The following NRP1 variants were observed in gnomAD, a reference collection of about 807,000 sequenced individuals.
The protein encoded by NRP1 is neuropilin-1.
NRP1 carries 35 observed loss-of-function variants against 106.7 expected under a neutral mutation model. The ratio of observed to expected loss-of-function variants is 0.33; its 90% CI spans 0.25 to 0.43. NRP1 has a LOEUF of 0.43. NRP1 is among the 20% of genes least tolerant of loss of function. NRP1 has a pLI of 1.00. For missense variants in NRP1, 1,024 were observed against 1,170.4 expected (o/e 0.87, Z 1.83); for synonymous variants, 437 against 417.9 (o/e 1.05, Z -0.56).
At chr10:33,334,286 C>T in intron 1 of NRP1, 24 bp downstream of exon 1, 1 of 1,536,124 alleles carries the variant, frequency 6.5e-7, no homozygotes, top group Non-Finnish European at 8.7e-7. Flanking sequence ...GCCGCTGTCA[C>T]CCGCGCCTCT....
chr10:33,274,369 T>C lies in NRP1; in HGVS notation c.249-3513A>G, dbSNP rs72790255. ...TCACAGGTTAGGTTTCCCAGAAGAG[T>C]GCTCAAAGAATAAAGATTTCTTTCT... On this transcript the variant is annotated intron_variant, in intron 2 of 16. Coordinates refer to ENST00000374867, the MANE Select transcript of NRP1 (RefSeq NM_003873.7). 8.3e-3 allele frequency among the ~76,000 whole-genome samples: 1,259 copies of C among 152,258 alleles called. 10 individuals are homozygous for C. The highest frequency in any genetic ancestry group is 0.015 in the Non-Finnish European group (1,006 of 68,008).
rs1326466255 is a variant in NRP1 at position 33,334,649 on chromosome 10, C to G, written c.-267G>C. The G allele has an allele frequency of 1.4e-5, 3 of 213,474 alleles. No homozygotes were observed. The highest frequency in any genetic ancestry group is 7.1e-5 in the Admixed American group (1 of 14,128). The allele number at this position is 213,474 out of a possible 1,614,324, so 13.2% of individuals were successfully genotyped here. On this transcript the variant is annotated 5_prime_UTR_variant, in exon 1 of 17. Coordinates refer to ENST00000374867, the MANE Select transcript of NRP1 (RefSeq NM_003873.7). ...CCACACTTGTTCCTCTTCCAGGAGC[C>G]ACTGCCCGGGCCATGTCTCAAAAAA...
intron 9 of NRP1, among the ~76,000 whole-genome samples, chr10:33,211,018 A>G (rs1838260476): frequency 6.6e-6 from 1 of 152,240 alleles, no homozygotes; most frequent in Non-Finnish European, 1.5e-5. Flanking sequence ...TCAGTATCAT[A>G]GGAAGATGAT....
At chr10:33,298,956 G>A (rs1466719489) in intron 2 of NRP1, among the ~76,000 whole-genome samples, 3 of 152,176 alleles carry the variant, frequency 2.0e-5, no homozygotes, top group African/African-American at 7.2e-5. Context: ...TACCTACCAT[G>A]CATTGAGCAC....
chr10:33,235,266 C>T (rs1840467134), intron 6 of NRP1, among the ~76,000 whole-genome samples: 1 of 152,236 alleles, frequency 6.6e-6, no homozygotes, highest in Non-Finnish European at 1.5e-5. Flanking sequence ...GGACTCGATG[C>T]AGCAGGTTAA....
intron 11 of NRP1, among the ~76,000 whole-genome samples, chr10:33,200,498 C>T (rs1837211364): frequency 2.0e-5 from 3 of 152,142 alleles, no homozygotes. Context: ...TAGGTCACCC[C>T]AGGAGAAGAA....
chr10:33,261,910 A>G (rs1225359608), intron 4 of NRP1, among the ~76,000 whole-genome samples: 1 of 151,700 alleles, frequency 6.6e-6, no homozygotes, highest in Non-Finnish European at 1.5e-5. Flanking sequence ...TAATTTTTGT[A>G]TTTTTCGTAG....
chr10:33,277,951 T>G (rs11009330), intron 2 of NRP1, among the ~76,000 whole-genome samples: 19,049 of 152,198 alleles, frequency 0.13, 1,763 homozygotes, highest in East Asian at 0.47. Flanking sequence ...ATGTCTTTGA[T>G]CCAGGGCTTA....
At chr10:33,188,196 C>T (rs928841313) in intron 13 of NRP1, among the ~76,000 whole-genome samples, 2 of 152,062 alleles carry the variant, frequency 1.3e-5, no homozygotes, top group African/African-American at 4.8e-5. Context: ...CTCAATCTTA[C>T]GGAAAAAAGA....
chr10:33,314,940 G>A (rs141838671), intron 2 of NRP1, among the ~76,000 whole-genome samples: 468 of 152,298 alleles, frequency 3.1e-3, no homozygotes, highest in Non-Finnish European at 5.1e-3. Flanking sequence ...GTTGCCAGCT[G>A]GAACGGAAGC....
chr10:33,253,979 G>A, intron 6 of NRP1, 49 bp downstream of exon 6: 5 of 1,531,982 alleles, frequency 3.3e-6, no homozygotes, highest in Non-Finnish European at 4.4e-6. Context: ...CTCTCTAGAT[G>A]GTCAAAAACT....
rs573685143 is a variant in NRP1 at position 33,323,607 on chromosome 10, C to T, written c.248+7101G>A. ...AATCAACCAGAGAAGAGCAGGAGAA[C>T]CCTCCTCTCAAGGTGCAACGAACTG... On this transcript the variant is annotated intron_variant, in intron 2 of 16. Coordinates refer to ENST00000374867, the MANE Select transcript of NRP1 (RefSeq NM_003873.7). 2.8e-3 allele frequency among the ~76,000 whole-genome samples: 419 copies of T among 152,166 alleles called. 1 individual carries two copies. Among genetic ancestry groups the T allele is most frequent in the Non-Finnish European group, 4.2e-3 (284 of 68,020 alleles).
intron 6 of NRP1, among the ~76,000 whole-genome samples, chr10:33,233,082 T>G (rs1334885767): frequency 6.6e-6 from 1 of 152,178 alleles, no homozygotes; most frequent in African/African-American, 2.4e-5. Context: ...ACCCACAACT[T>G]ACTTTCACAC....
chr10:33,273,469 A>G (rs998343727), intron 2 of NRP1, among the ~76,000 whole-genome samples: 1 of 152,080 alleles, frequency 6.6e-6, no homozygotes, highest in African/African-American at 2.4e-5. Flanking sequence ...CTCCCTAGAG[A>G]CTAAACGTGT....
intron 2 of NRP1, among the ~76,000 whole-genome samples, chr10:33,283,666 T>G (rs1844304727): frequency 6.6e-6 from 1 of 152,240 alleles, no homozygotes; most frequent in South Asian, 2.1e-4. Flanking sequence ...TGAATTGGTG[T>G]ACAGCAAACC....
chr10:33,330,769 G>C lies in NRP1; in HGVS notation c.187C>G (p.Pro63Ala). ...KCEWLIQAPD[P>A]YQRIMINFNP... Reference sequence around the variant, plus strand: ...AAGTTGATCATAATTCTCTGGTATGGGTCCGGAGCCTGAATCAGCCATTCG... The same window carrying C: ...AAGTTGATCATAATTCTCTGGTATGCGTCCGGAGCCTGAATCAGCCATTCG... The change falls in exon 2 of 17, where the codon CCA becomes GCA. Residue 63 changes from proline to alanine, a missense_variant. Around this residue, in one of 5 missense-constraint regions of NRP1, gnomAD observed 279 missense variants for 327.4 expected, o/e 0.85. Transcript: ENST00000374867. 1 of 1,613,850 alleles carries C rather than the reference G, an allele frequency of 6.2e-7. No homozygotes were observed. The highest frequency in any genetic ancestry group is 8.5e-7 in the Non-Finnish European group (1 of 1,179,840).
In NRP1 at chr10:33,195,863, G is replaced by A. The variant is rs570091927; in HGVS notation, c.1924+1787C>T. On this transcript the variant is annotated intron_variant, in intron 12 of 16. Transcript: ENST00000374867. ...TGCACTGACTGTGAAATGCAAACCG[G>A]ACCTGACCACCCCTGATCAGTAGAC... Among the ~76,000 whole-genome samples, 23 of 152,226 alleles carry A rather than the reference G, an allele frequency of 1.5e-4. 1 individual carries two copies. In the South Asian group the frequency reaches 4.0e-3, roughly 26 times the overall value.
chr10:33,203,902 G>T (rs1365145689), intron 10 of NRP1, among the ~76,000 whole-genome samples: 4 of 94,860 alleles, frequency 4.2e-5, no homozygotes, highest in African/African-American at 1.2e-4. Context: ...CACCGCGCCC[G>T]GCTAATTTTT....
intron 6 of NRP1, among the ~76,000 whole-genome samples, chr10:33,237,482 C>CGT (rs1303117551): frequency 2.2e-4 from 29 of 131,896 alleles, no homozygotes; most frequent in Admixed American, 7.3e-5. Flanking sequence ...AACACACATG[C>CGT]GCGCGCACAC....
Sources: allele counts gnomAD v4.1 joint callset (sites outside exome capture counted in the v4.1 genomes callset), GRCh38; gene constraint gnomAD v4.1.1; regional missense constraint gnomAD v4.1.1; transcripts MANE v1.5; gene names NCBI Gene and HGNC (gene_info 2026-07-23, HGNC 2026-07-21).